ATG2B: variants seen among roughly 807,000 people sequenced by gnomAD.
ATG2B encodes autophagy-related protein 2 homolog B.
ATG2B carries 121 observed loss-of-function variants against 241.3 expected under a neutral mutation model. The observed-to-expected ratio is 0.50, with a 90% CI of 0.43 to 0.58. The LOEUF is 0.58. Ranked by LOEUF, ATG2B falls within the 20% of genes least tolerant of loss-of-function variation. ATG2B has a pLI of 0.00. For synonymous variants in ATG2B, 858 were observed against 876.6 expected, an observed-to-expected ratio of 0.98 and a Z score of 0.37; for missense variants, 2,306 against 2,491.6, an observed-to-expected ratio of 0.93 and a Z score of 1.59.
At chr14:96,311,423 T>C in intron 27 of ATG2B, 119 bp downstream of exon 27, 1 of 1,167,380 alleles carries the variant, frequency 8.6e-7, no homozygotes, top group South Asian at 1.6e-5. Flanking sequence ...AATAAATCCA[T>C]TTTTAATATA....
intron 21 of ATG2B, among the ~76,000 whole-genome samples, chr14:96,315,969 A>G (rs1887299983): frequency 1.3e-5 from 2 of 152,254 alleles, no homozygotes. Context: ...GAATGGATAC[A>G]TAAGATGTGA....
At chr14:96,295,349 A>G (rs1700903386) in intron 35 of ATG2B, 133 bp downstream of exon 35, 1 of 852,676 alleles carries the variant, frequency 1.2e-6, no homozygotes, top group African/African-American at 1.7e-5. Context: ...TTCGCGAATC[A>G]ACAAAAATAA....
chr14:96,323,657 G>A (rs369231079), intron 16 of ATG2B, among the ~76,000 whole-genome samples: 5 of 152,022 alleles, frequency 3.3e-5, no homozygotes, highest in African/African-American at 7.2e-5. Flanking sequence ...GAATCTAATC[G>A]GTCTAATAGA....
rs551106313 is a variant in ATG2B, at chr14:96,321,422, A to T, written c.2879+690T>A. Among the ~76,000 whole-genome samples the T allele has an allele frequency of 3.9e-5, 6 of 152,296 alleles. No individual in the cohort carries two copies. In the South Asian group the frequency reaches 1.2e-3, roughly 32 times the overall value. On this transcript the variant is annotated intron_variant, in intron 18 of 41. Coordinates refer to ENST00000359933, the MANE Select transcript of ATG2B (RefSeq NM_018036.7). Reference sequence around the variant, plus strand: ...TGGGTAGGAATTATAACAGACAACCACTAAGTTCTTACGATATGCCATACA... The same window carrying T: ...TGGGTAGGAATTATAACAGACAACCTCTAAGTTCTTACGATATGCCATACA...
At chr14:96,329,304 T>C (rs1020066375) in intron 12 of ATG2B, among the ~76,000 whole-genome samples, 180 bp downstream of exon 12, 1 of 152,202 alleles carries the variant, frequency 6.6e-6, no homozygotes, top group Non-Finnish European at 1.5e-5. Flanking sequence ...CAGATCCTTA[T>C]AACGATGTTG....
At chr14:96,337,149 T>C (rs540286880) in intron 6 of ATG2B, among the ~76,000 whole-genome samples, 22 of 152,296 alleles carry the variant, frequency 1.4e-4, no homozygotes, top group Non-Finnish European at 2.5e-4. Context: ...ATCTGATTCA[T>C]CTTTGCATCT....
At chr14:96,287,274 C>T (rs3783432) in intron 41 of ATG2B, among the ~76,000 whole-genome samples, 4 of 106,432 alleles carry the variant, frequency 3.8e-5, no homozygotes, top group Admixed American at 9.9e-5. Flanking sequence ...AAAAAAAAAA[C>T]GTGTCCAGAA....
intron 29 of ATG2B, among the ~76,000 whole-genome samples, chr14:96,309,212 C>T (rs1175274769): frequency 1.3e-5 from 2 of 152,182 alleles, no homozygotes; most frequent in Non-Finnish European, 1.5e-5. Context: ...ATTTGTTTTA[C>T]TAGGCTACAA....
At chr14:96,353,089 G>A (rs1236206252) in intron 1 of ATG2B, among the ~76,000 whole-genome samples, 1 of 151,984 alleles carries the variant, frequency 6.6e-6, no homozygotes, top group Non-Finnish European at 1.5e-5. Flanking sequence ...TGTCACAGTT[G>A]CCTACAGTAT....
chr14:96,353,184 G>T (rs1423419100), intron 1 of ATG2B, among the ~76,000 whole-genome samples: 1 of 152,132 alleles, frequency 6.6e-6, no homozygotes, highest in Non-Finnish European at 1.5e-5. Flanking sequence ...ATACCACTGG[G>T]TTTAGGCAAG....
In ATG2B at chr14:96,361,867, T is replaced by C. The variant is rs1888640591; in HGVS notation, c.162+948A>G. 3.9e-5 allele frequency among the ~76,000 whole-genome samples: 6 copies of C among 152,286 alleles called. No individual in the cohort carries two copies. The Middle Eastern group carries it at 0.014, about 345-fold the overall frequency. On this transcript the variant is annotated intron_variant, in intron 1 of 41. Transcript: ENST00000359933. ...ACTGATTTATAGTCTCTAGCACAAA[T>C]TCGCTTAAGGGTCATAATAAGGTAT... is the stretch of plus-strand genomic sequence containing the variant.
At chr14:96,293,806 T>A (rs1009404604) in intron 36 of ATG2B, among the ~76,000 whole-genome samples, 1 of 152,182 alleles carries the variant, frequency 6.6e-6, no homozygotes, top group Admixed American at 6.5e-5. Context: ...ATAGGGCTTG[T>A]GTACTTTTTA....
At chr14:96,306,204 T>A (rs1245453726) in intron 30 of ATG2B, among the ~76,000 whole-genome samples, 1 of 152,234 alleles carries the variant, frequency 6.6e-6, no homozygotes, top group Non-Finnish European at 1.5e-5. Context: ...TATCCTGAGT[T>A]TGATTGTTTG....
At chr14:96,359,264 G>T (rs1321574069) in intron 1 of ATG2B, among the ~76,000 whole-genome samples, 2 of 151,978 alleles carry the variant, frequency 1.3e-5, no homozygotes, top group African/African-American at 4.8e-5. Context: ...CCCAGCTACT[G>T]CAGGGAGGGG....
At chr14:96,344,549 T>C in intron 4 of ATG2B, 105 bp downstream of exon 4, 1 of 513,820 alleles carries the variant, frequency 1.9e-6, no homozygotes. Context: ...ACTCTGAAAT[T>C]ATGCAATATT....
intron 36 of ATG2B, chr14:96,292,838 A>G (rs949614396): frequency 6.6e-6 from 1 of 152,236 alleles, no homozygotes; most frequent in African/African-American, 2.4e-5. Flanking sequence ...CTTTATGGAT[A>G]CCAAACCCCT....
intron 2 of ATG2B, among the ~76,000 whole-genome samples, chr14:96,346,370 AT>A (rs1340824704): frequency 6.6e-6 from 1 of 152,194 alleles, no homozygotes; most frequent in African/African-American, 2.4e-5. Context: ...AGAGAAAAAT[AT>A]TTGAAAGTTT....
Position 96,285,043 on chromosome 14 carries a change from A to AAAAGGAC in ATG2B, c.*711_*712insGTCCTTT, listed in dbSNP as rs1359848004. On this transcript the variant is annotated 3_prime_UTR_variant, in exon 42 of 42. Coordinates refer to ENST00000359933, the MANE Select transcript of ATG2B (RefSeq NM_018036.7). The surrounding 1 kb of genome is among the most constrained non-coding windows in gnomAD (Gnocchi z 4.2). The stretch of plus-strand genomic sequence containing the variant: ...ACATTGAAGTTACCTTCCTTTGCCA[A>AAAAGGAC]AAACTTTCAGACAAGTTTACTGCTC... 7.9e-5 allele frequency: 12 copies of AAAAGGAC among 152,262 alleles called. No individual in the cohort carries two copies. The highest frequency in any genetic ancestry group is 7.2e-4 in the Admixed American group (11 of 15,286). The allele number at this position is 152,262 out of a possible 1,614,324, so 9.4% of individuals were successfully genotyped here.
intron 5 of ATG2B, among the ~76,000 whole-genome samples, chr14:96,342,456 T>C (rs1247339527): frequency 6.6e-6 from 1 of 152,172 alleles, no homozygotes; most frequent in Non-Finnish European, 1.5e-5. Flanking sequence ...ACGTGGTGGC[T>C]CACGCCTGTA....
Sources: gnomAD v4.1 joint callset for allele counts (sites outside exome capture counted in the v4.1 genomes callset) on GRCh38, gnomAD v4.1.1 for gene constraint, Gnocchi (gnomAD v3.1) non-coding constraint, MANE v1.5 for transcripts, NCBI Gene and HGNC (gene_info 2026-07-23, HGNC 2026-07-21) for gene names.